The following GPR83 variants were observed in gnomAD, a reference collection of about 807,000 sequenced individuals.
GPR83 encodes the protein G-protein coupled receptor 72.
A neutral mutation model predicts 28.0 loss-of-function variants in GPR83; 23 were observed. That is an observed-to-expected ratio of 0.82 (90% CI 0.59 to 1.16). The LOEUF is 1.16. GPR83 is among the 50% of genes most tolerant of loss of function. GPR83 has a pLI of 0.00. For missense variants in GPR83, 610 were observed against 536.6 expected (o/e 1.14, Z -1.35); for synonymous variants, 234 against 215.4 (o/e 1.09, Z -0.76).
intron 3 of GPR83, among the ~76,000 whole-genome samples, chr11:94,392,018 G>A (rs544447939): frequency 1.8e-4 from 27 of 152,088 alleles, no homozygotes; most frequent in Non-Finnish European, 3.2e-4. Flanking sequence ...AAAGACACAC[G>A]CACACATATG....
intron 2 of GPR83, 68 bp from the exon 3 acceptor site, chr11:94,393,686 C>T (rs549202535): frequency 3.1e-5 from 45 of 1,471,010 alleles, no homozygotes; most frequent in Admixed American, 5.1e-5. Flanking sequence ...CTGGGTCAGG[C>T]GCAGGTGCTC....
intron 3 of GPR83, among the ~76,000 whole-genome samples, chr11:94,387,633 A>G (rs1443973325): frequency 6.6e-6 from 1 of 152,232 alleles, no homozygotes; most frequent in Non-Finnish European, 1.5e-5. Flanking sequence ...ACCAGGAAGA[A>G]GTTGAATCTC....
chr11:94,400,576 GAGAT>G (rs1271011082), intron 1 of GPR83, among the ~76,000 whole-genome samples: 2 of 151,136 alleles, frequency 1.3e-5, no homozygotes, highest in Non-Finnish European at 2.9e-5. Flanking sequence ...AGGACACTGA[GAGAT>G]AGAGAAGAGA....
chr11:94,391,139 G>GA (rs1360619651), intron 3 of GPR83, among the ~76,000 whole-genome samples: 1 of 152,116 alleles, frequency 6.6e-6, no homozygotes, highest in Non-Finnish European at 1.5e-5. Context: ...TAGACCAATG[G>GA]AATGGAACAG....
intron 2 of GPR83, among the ~76,000 whole-genome samples, chr11:94,394,466 T>G (rs1280425028): frequency 6.6e-6 from 1 of 152,136 alleles, no homozygotes; most frequent in African/African-American, 2.4e-5. Flanking sequence ...AATAAAGACT[T>G]AGGGATTTAA....
intron 3 of GPR83, among the ~76,000 whole-genome samples, chr11:94,386,055 A>G (rs1471691688): frequency 1.3e-5 from 2 of 152,234 alleles, no homozygotes; most frequent in Non-Finnish European, 2.9e-5. Flanking sequence ...AACACTCTTA[A>G]AGAAAAGAAT....
chr11:94,384,358 G>A (rs554386853), intron 3 of GPR83, among the ~76,000 whole-genome samples: 2 of 152,208 alleles, frequency 1.3e-5, no homozygotes, highest in East Asian at 3.9e-4. Flanking sequence ...CTATTTATGG[G>A]GTGGTTCCAA....
rs1254598306 is a variant in GPR83 at position 94,380,143 on chromosome 11, C to T, written c.*6G>A. ...GACCCCTCCCACTCCCTCTTCCCAACCTCTTCTAACTCATCGTCACAATGG... is the reference window on the plus strand; with the variant it reads ...GACCCCTCCCACTCCCTCTTCCCAATCTCTTCTAACTCATCGTCACAATGG... On this transcript the variant is annotated 3_prime_UTR_variant, in exon 4 of 4. Transcript: ENST00000243673. 6 of 1,505,088 alleles carry T rather than the reference C, an allele frequency of 4.0e-6. No homozygotes were observed. The Admixed American group carries it at 1.2e-4, about 29-fold the overall frequency. The allele number at this position is 1,505,088 out of a possible 1,614,324, so 93.2% of individuals were successfully genotyped here. A position where few individuals can be genotyped will look rare whatever the true frequency, so the allele number is the denominator to read the frequency against.
At position 94,379,289 on chromosome 11, in the gene GPR83, T is replaced by G. The variant is rs192544076; in HGVS notation, c.*860A>C. ...GGGAGGCTGAGGCAGGAGAACGGCA[T>G]GAACCTGGGAGGCAGAGCTTGCAGT... On this transcript the variant is annotated 3_prime_UTR_variant, in exon 4 of 4. Transcript: ENST00000243673. 1 of 145,404 alleles carries G rather than the reference T, an allele frequency of 6.9e-6. No homozygotes were observed. The highest frequency in any genetic ancestry group is 1.5e-5 in the Non-Finnish European group (1 of 67,478). The allele number at this position is 145,404 out of a possible 1,614,324, so 9.0% of individuals were successfully genotyped here.
intron 3 of GPR83, among the ~76,000 whole-genome samples, chr11:94,390,135 A>G (rs904346986): frequency 1.3e-4 from 20 of 152,008 alleles, no homozygotes; most frequent in Admixed American, 5.2e-4. Flanking sequence ...ACACTTGGAC[A>G]CAGGAAGGGG....
Position 94,396,488 on chromosome 11 carries a change from C to T in GPR83, c.424G>A (p.Gly142Ser). 1 of 1,613,970 alleles carries T rather than the reference C, an allele frequency of 6.2e-7. No individual in the cohort carries two copies. The highest frequency in any genetic ancestry group is 8.5e-7 in the Non-Finnish European group (1 of 1,179,882). Residue 142 changes from glycine (G) to serine (S), a missense_variant, in exon 2 of 4, where the codon GGC (glycine) becomes AGC (serine). Physicochemically the swap from Gly to Ser is moderately conservative, Grantham distance 56. Coordinates refer to ENST00000243673, the MANE Select transcript of GPR83 (RefSeq NM_016540.4). ...GCAAAGCGGCTGACATGGCACATGC[C>T]CTTCCCAAATATCCATGTGCTGTTC... ...FVNSTWIFGKGMCHVSRFAQY... is the reference protein window; with the variant it reads ...FVNSTWIFGKSMCHVSRFAQY...
intron 3 of GPR83, among the ~76,000 whole-genome samples, chr11:94,382,031 A>C (rs1481059124): frequency 6.6e-6 from 1 of 152,084 alleles, no homozygotes; most frequent in Non-Finnish European, 1.5e-5. Context: ...CTTTATCACA[A>C]AACCTGTCTC....
intron 3 of GPR83, among the ~76,000 whole-genome samples, chr11:94,386,287 C>T (rs1032168109): frequency 1.3e-5 from 2 of 152,118 alleles, no homozygotes; most frequent in Admixed American, 6.6e-5. Context: ...GAAACTGCAC[C>T]AACTAATGAG....
rs201089263 is a variant in GPR83 at position 94,381,394 on chromosome 11, G to GTCCTCC, written c.648-627_648-622dup. ...TTGCTTTTTTTAGGGGGGAAAAAAA[G>GTCCTCC]TCCTCCGTGTGGAAAGGTAGAAGGG... On this transcript the variant is annotated intron_variant, in intron 3 of 3. Coordinates refer to ENST00000243673, the MANE Select transcript of GPR83 (RefSeq NM_016540.4). Among the ~76,000 whole-genome samples the GTCCTCC allele has an allele frequency of 2.8e-3, 426 of 152,162 alleles. 27 individuals carry two copies. The East Asian group carries it at 0.068, about 24-fold the overall frequency.
At position 94,378,048 on chromosome 11, in the gene GPR83, C is replaced by T. The variant is rs1166932680; in HGVS notation, c.*2101G>A. On this transcript the variant is annotated 3_prime_UTR_variant, in exon 4 of 4. Transcript: ENST00000243673. ...CCATTAGCTACTTCTTGACACACCA[C>T]AGAGACAATAAGTACAGGCACATGA... 6.6e-6 allele frequency: 1 copy of T among 152,162 alleles called. No homozygotes were observed. The highest frequency in any genetic ancestry group is 2.4e-5 in the African/African-American group (1 of 41,440). 9.4% of individuals were successfully genotyped at this position (152,162 alleles called of 1,614,324 possible).
chr11:94,392,599 C>T (rs1159885248), intron 3 of GPR83, among the ~76,000 whole-genome samples: 5 of 152,014 alleles, frequency 3.3e-5, no homozygotes, highest in African/African-American at 7.2e-5. Context: ...CCAAGGTAGG[C>T]GGATAACCTG....
chr11:94,401,397 C>G lies in GPR83; in HGVS notation c.-150G>C. On this transcript the variant is annotated 5_prime_UTR_variant, in exon 1 of 4. Coordinates refer to ENST00000243673, the MANE Select transcript of GPR83 (RefSeq NM_016540.4). ...CGGACGCGCGGAGCACCGCGCCGCC[C>G]GCCACCAGCCCGCGGTCGGCACGCC... The G allele has an allele frequency of 1.6e-6, 1 of 626,358 alleles. No individual in the cohort carries two copies. 38.8% of individuals were successfully genotyped at this position (626,358 alleles called of 1,614,324 possible). A position where few individuals can be genotyped will look rare whatever the true frequency, so the allele number is the denominator to read the frequency against.
intron 3 of GPR83, among the ~76,000 whole-genome samples, chr11:94,387,610 C>A (rs1944773599): frequency 6.6e-6 from 1 of 152,192 alleles, no homozygotes; most frequent in Admixed American, 6.5e-5. Context: ...CACATACACC[C>A]TCCCAAGACT....
rs751023715 is a variant in GPR83, at chr11:94,396,477, A to G, written c.435T>C (p.His145=). ...STWIFGKGMC[H]VSRFAQYCSL... is the part of the protein sequence containing the mutation. Reference sequence around the variant, plus strand: ...AGCAGTACTGGGCAAAGCGGCTGACATGGCACATGCCCTTCCCAAATATCC... The same window carrying G: ...AGCAGTACTGGGCAAAGCGGCTGACGTGGCACATGCCCTTCCCAAATATCC... The change falls in exon 2 of 4, where the codon CAT becomes CAC. Residue 145 remains histidine, a synonymous_variant. Transcript: ENST00000243673. 32 of 1,614,142 alleles carry G rather than the reference A, an allele frequency of 2.0e-5. No individual in the cohort carries two copies. Among genetic ancestry groups the G allele is most frequent in the Non-Finnish European group, 2.7e-5 (32 of 1,179,976 alleles).
Sources: allele counts gnomAD v4.1 joint callset (sites outside exome capture counted in the v4.1 genomes callset), GRCh38; gene constraint gnomAD v4.1.1; transcripts MANE v1.5; gene names NCBI Gene and HGNC (gene_info 2026-07-23, HGNC 2026-07-21).